NAALADL2: variants seen among roughly 807,000 people sequenced by gnomAD.
The protein encoded by NAALADL2 is inactive N-acetylated-alpha-linked acidic dipeptidase-like protein 2.
In NAALADL2, 76 loss-of-function variants were observed where a neutral mutation model predicts 87.2. That is an observed-to-expected ratio of 0.87 (90% CI 0.72 to 1.05). The LOEUF is 1.05. NAALADL2 is among the 50% of genes least tolerant of loss of function. The probability of loss-of-function intolerance (pLI) is 0.00; values close to 1 mark genes in which losing one functional copy is unlikely to be tolerated. For synonymous variants in NAALADL2, 354 were observed against 331.0 expected, an observed-to-expected ratio of 1.07 and a Z score of -0.75; for missense variants, 1,089 against 945.8, an observed-to-expected ratio of 1.15 and a Z score of -1.99.
At chr3:174,840,842 G>C (rs1031489241) in intron 3 of NAALADL2, among the ~76,000 whole-genome samples, 1 of 152,024 alleles carries the variant, frequency 6.6e-6, no homozygotes, top group Non-Finnish European at 1.5e-5. Context: ...TAGCTGCTTG[G>C]GGGAAGGCTG....
At chr3:174,796,030 T>C (rs1303972252) in intron 3 of NAALADL2, among the ~76,000 whole-genome samples, 1 of 152,146 alleles carries the variant, frequency 6.6e-6, no homozygotes, top group Non-Finnish European at 1.5e-5. Context: ...AGACAGGGCC[T>C]TTAAATAGGT....
intron 5 of NAALADL2, among the ~76,000 whole-genome samples, chr3:175,371,108 C>A (rs1002495643): frequency 6.6e-6 from 1 of 152,014 alleles, no homozygotes; most frequent in African/African-American, 2.4e-5. Flanking sequence ...GACAATATTA[C>A]CAAAATTTCA....
At chr3:175,778,889 A>T (rs1750631043) in intron 13 of NAALADL2, among the ~76,000 whole-genome samples, 1 of 152,148 alleles carries the variant, frequency 6.6e-6, no homozygotes. Context: ...AAATTTACCT[A>T]AGGCAGATTA....
In NAALADL2 at chr3:175,158,268, C is replaced by T. The variant is rs138839746; in HGVS notation, c.545+60977C>T. Among the ~76,000 whole-genome samples, 129 of 152,108 alleles carry T rather than the reference C, an allele frequency of 8.5e-4. 1 individual carries two copies. Among genetic ancestry groups the T allele is most frequent in the African/African-American group, 2.6e-3 (109 of 41,532 alleles). Reference sequence around the variant, plus strand: ...TTACGGATTTTTTGCCCTCATTTGGCGATCAGAGAGACCATTTCTATTTCA... The same window carrying T: ...TTACGGATTTTTTGCCCTCATTTGGTGATCAGAGAGACCATTTCTATTTCA... On this transcript the variant is annotated intron_variant, in intron 2 of 13. Transcript: ENST00000454872.
intron 1 of NAALADL2, among the ~76,000 whole-genome samples, chr3:175,094,181 C>G (rs1436778646): frequency 2.0e-5 from 3 of 151,392 alleles, no homozygotes; most frequent in Non-Finnish European, 4.4e-5. Context: ...AGAAAAAAAT[C>G]TAGAGAACTG....
chr3:175,780,363 AACAC>A lies in NAALADL2; in HGVS notation c.2190-22636_2190-22633del, dbSNP rs529411990. On this transcript the variant is annotated intron_variant, in intron 13 of 13. Coordinates refer to ENST00000454872, the MANE Select transcript of NAALADL2 (RefSeq NM_207015.3). Reference sequence around the variant, plus strand: ...AACACACTACACACACATGCACACAAACACACACAAACAGTATGTGTATACGTAT... The same window carrying A: ...AACACACTACACACACATGCACACAAACACAAACAGTATGTGTATACGTAT... Among the ~76,000 whole-genome samples, 1,317 of 152,132 alleles carry A rather than the reference AACAC, an allele frequency of 8.7e-3. 3 individuals carry two copies. The highest frequency in any genetic ancestry group is 0.013 in the Non-Finnish European group (890 of 67,966).
intron 5 of NAALADL2, among the ~76,000 whole-genome samples, chr3:175,442,503 C>G (rs1454845839): frequency 6.6e-6 from 1 of 152,066 alleles, no homozygotes; most frequent in Non-Finnish European, 1.5e-5. Flanking sequence ...AACTAATATA[C>G]TATTTTTATT....
chr3:175,513,773 TG>T (rs1296450470), intron 9 of NAALADL2, among the ~76,000 whole-genome samples: 1 of 152,184 alleles, frequency 6.6e-6, no homozygotes, highest in African/African-American at 2.4e-5. Flanking sequence ...TTCAGAAAGA[TG>T]TACATTAGTA....
At chr3:174,521,755 T>C (rs1265548508) in intron 1 of NAALADL2, among the ~76,000 whole-genome samples, 1 of 151,926 alleles carries the variant, frequency 6.6e-6, no homozygotes, top group Non-Finnish European at 1.5e-5. Flanking sequence ...GACATAAAGA[T>C]TGAATTCATA....
intron 11 of NAALADL2, among the ~76,000 whole-genome samples, chr3:175,699,680 TTAAG>T (rs1386487881): frequency 6.6e-5 from 10 of 152,154 alleles, no homozygotes; most frequent in African/African-American, 2.4e-4. Flanking sequence ...ACTAGAAAAA[TTAAG>T]TACAGAATTA....
intron 1 of NAALADL2, among the ~76,000 whole-genome samples, chr3:174,888,481 C>T (rs1022368474): frequency 1.3e-5 from 2 of 152,190 alleles, no homozygotes; most frequent in Non-Finnish European, 2.9e-5. Context: ...TGATCAAATA[C>T]TTTCCATCTG....
intron 2 of NAALADL2, among the ~76,000 whole-genome samples, chr3:174,622,095 A>G (rs908175467): frequency 6.6e-6 from 1 of 152,132 alleles, no homozygotes; most frequent in African/African-American, 2.4e-5. Flanking sequence ...GGTTTCCTGA[A>G]TATTATATTT....
chr3:175,118,408 T>A lies in NAALADL2; in HGVS notation c.545+21117T>A, dbSNP rs1001037059. Reference sequence around the variant, plus strand: ...GTGGGGCTTTGGATCATTAAAAAAATAATTAAATAAAGCATAAAAATAAAT... The same window carrying A: ...GTGGGGCTTTGGATCATTAAAAAAAAAATTAAATAAAGCATAAAAATAAAT... On this transcript the variant is annotated intron_variant, in intron 2 of 13. Coordinates refer to ENST00000454872, the MANE Select transcript of NAALADL2 (RefSeq NM_207015.3). Among the ~76,000 whole-genome samples the A allele has an allele frequency of 2.6e-5, 4 of 151,662 alleles. No homozygotes were observed. In the East Asian group the frequency reaches 7.8e-4, roughly 30 times the overall value.
intron 1 of NAALADL2, among the ~76,000 whole-genome samples, chr3:174,523,057 G>A (rs1720429765): frequency 6.6e-6 from 1 of 152,036 alleles, no homozygotes; most frequent in African/African-American, 2.4e-5. Context: ...AACAGGAAAT[G>A]GGCCCTCACC....
At chr3:175,191,436 T>C (rs1553806355) in intron 2 of NAALADL2, among the ~76,000 whole-genome samples, 1 of 152,138 alleles carries the variant, frequency 6.6e-6, no homozygotes, top group Non-Finnish European at 1.5e-5. Context: ...ACATAGGATA[T>C]ACTGGTCAAG....
rs1476462481 is a variant in NAALADL2 at position 175,324,220 on chromosome 3, A to G, written c.985A>G (p.Ile329Val). 1 of 1,613,736 alleles carries G rather than the reference A, an allele frequency of 6.2e-7. No individual in the cohort carries two copies. The highest frequency in any genetic ancestry group is 1.3e-5 in the African/African-American group (1 of 75,010). The change falls in exon 5 of 14, where the codon ATC (isoleucine) becomes GTC (valine). Residue 329 changes from isoleucine (I) to valine (V), a missense_variant. Transcript: ENST00000454872. ...TGGATTTGGAGGTGTTCTTCTGTAT[A>G]TCGATCCTTGTGATTTGCCAAAGAC... ...KAGFGGVLLY[I>V]DPCDLPKTVN...
chr3:175,328,165 A>T (rs1479729986), intron 5 of NAALADL2, among the ~76,000 whole-genome samples: 1 of 152,308 alleles, frequency 6.6e-6, no homozygotes, highest in East Asian at 1.9e-4. Context: ...CACTAGGATC[A>T]TGGCACCAGT....
intron 1 of NAALADL2, among the ~76,000 whole-genome samples, chr3:174,998,424 G>A (rs1747815502): frequency 6.6e-6 from 1 of 152,212 alleles, no homozygotes; most frequent in Non-Finnish European, 1.5e-5. Flanking sequence ...TCAAGTTCGA[G>A]AAGAGAAGAC....
At chr3:174,607,352 A>G (rs79580916) in intron 2 of NAALADL2, among the ~76,000 whole-genome samples, 52,260 of 151,050 alleles carry the variant, frequency 0.35, 10,284 homozygotes, top group Non-Finnish European at 0.46. Context: ...AAATGCTCCA[A>G]TTAAAAGACA....
Sources: allele counts gnomAD v4.1 joint callset (sites outside exome capture counted in the v4.1 genomes callset), GRCh38; gene constraint gnomAD v4.1.1; transcripts MANE v1.5; gene names NCBI Gene and HGNC (gene_info 2026-07-23, HGNC 2026-07-21).